RGS6: variants seen among roughly 807,000 people sequenced by gnomAD.
The protein encoded by RGS6 is regulator of G-protein signaling 6.
In RGS6, 30 loss-of-function variants were observed where a neutral mutation model predicts 78.5. The ratio of observed to expected loss-of-function variants is 0.38; its 90% CI spans 0.29 to 0.52. The LOEUF (loss-of-function observed/expected upper bound fraction) is 0.52, where lower values mean the gene tolerates loss of function less well. Among genes scored for constraint, RGS6 ranks in the 20% least tolerant of loss-of-function variants. The pLI is 0.85. For missense variants in RGS6, 495 were observed against 609.7 expected, an observed-to-expected ratio of 0.81 and a Z score of 1.98; for synonymous variants, 206 against 206.0, an observed-to-expected ratio of 1.00 and a Z score of 0.00.
At chr14:72,349,501 A>G (rs894483908) in intron 2 of RGS6, among the ~76,000 whole-genome samples, 2 of 152,218 alleles carry the variant, frequency 1.3e-5, no homozygotes, top group African/African-American at 2.4e-5. Flanking sequence ...TCAGGTGTAT[A>G]TTAATACCAT....
At chr14:72,095,246 T>C (rs1471884675) in intron 2 of RGS6, among the ~76,000 whole-genome samples, 1 of 152,120 alleles carries the variant, frequency 6.6e-6, no homozygotes, top group African/African-American at 2.4e-5. Flanking sequence ...TGCATTTGGC[T>C]GCAGGTAATA....
intron 2 of RGS6, among the ~76,000 whole-genome samples, chr14:72,073,066 G>A (rs1027042462): frequency 6.6e-6 from 1 of 152,204 alleles, no homozygotes; most frequent in African/African-American, 2.4e-5. Flanking sequence ...ATTCAGATTG[G>A]TGGGGTTCAA....
At chr14:71,876,538 CTCCA>C in the RGS6 span, among the ~76,000 whole-genome samples, 2 of 117,540 alleles carry the variant, frequency 1.7e-5, no homozygotes, top group African/African-American at 7.4e-5. Flanking sequence ...GTAGATCTTC[CTCCA>C]TCCCTTTATT....
chr14:72,426,082 ATATAAT>A (rs999079257), intron 3 of RGS6, among the ~76,000 whole-genome samples: 11 of 152,272 alleles, frequency 7.2e-5, no homozygotes, highest in Admixed American at 3.3e-4. Context: ...TTAGATGATA[ATATAAT>A]TATAATATTT....
intron 2 of RGS6, among the ~76,000 whole-genome samples, chr14:72,204,711 C>G (rs1004928894): frequency 2.6e-5 from 4 of 152,158 alleles, no homozygotes; most frequent in African/African-American, 4.8e-5. Flanking sequence ...TTATTTCATT[C>G]ATGAGGGCTC....
chr14:72,562,327 A>G, intron 17 of RGS6, 90 bp from the exon 18 acceptor site: 1 of 1,344,968 alleles, frequency 7.4e-7, no homozygotes, highest in Non-Finnish European at 1.1e-6. Flanking sequence ...TACATGGCTC[A>G]TGCAACAATT....
intron 2 of RGS6, among the ~76,000 whole-genome samples, chr14:72,056,455 G>A (rs1282124311): frequency 1.3e-5 from 2 of 152,144 alleles, no homozygotes; most frequent in Non-Finnish European, 2.9e-5. Context: ...GTCTTCAGGT[G>A]TGTTACACTC....
rs565152678 is a variant in RGS6 at position 72,101,007 on chromosome 14, A to G, written c.84+136132A>G. On this transcript the variant is annotated intron_variant, in intron 2 of 17. Transcript: ENST00000553525. ...AACCCTGTCTCTACCAAAAATACAA[A>G]CATTAGCTGGGCTTAGTGGCATGCA... Among the ~76,000 whole-genome samples the G allele has an allele frequency of 6.6e-5, 10 of 152,218 alleles. No individual in the cohort carries two copies. In the East Asian group the frequency reaches 1.9e-3, roughly 29 times the overall value.
intron 2 of RGS6, among the ~76,000 whole-genome samples, chr14:72,236,424 C>A (rs2051051571): frequency 6.6e-6 from 1 of 152,162 alleles, no homozygotes; most frequent in Non-Finnish European, 1.5e-5. Context: ...GTGCGCACAG[C>A]AACATAAGCA....
chr14:72,226,844 C>A (rs1367235587), intron 2 of RGS6, among the ~76,000 whole-genome samples: 1 of 152,166 alleles, frequency 6.6e-6, no homozygotes, highest in African/African-American at 2.4e-5. Context: ...TTCCACCATG[C>A]CTGGCTAATT....
intron 2 of RGS6, among the ~76,000 whole-genome samples, chr14:72,329,741 A>C (rs866489610): frequency 1.3e-5 from 2 of 152,190 alleles, no homozygotes; most frequent in Admixed American, 6.5e-5. Flanking sequence ...CAGCTGTGTG[A>C]CAGATCTTGG....
chr14:72,186,836 A>T (rs2097254918), intron 2 of RGS6, among the ~76,000 whole-genome samples: 1 of 152,152 alleles, frequency 6.6e-6, no homozygotes, highest in Admixed American at 6.5e-5. Flanking sequence ...CAGTGGGAGC[A>T]GTTGTAGGAT....
chr14:72,230,754 C>A (rs1453097380), intron 2 of RGS6, among the ~76,000 whole-genome samples: 1 of 152,118 alleles, frequency 6.6e-6, no homozygotes. Flanking sequence ...GCTTTTAAGG[C>A]CTTCCAGGTG....
intron 2 of RGS6, among the ~76,000 whole-genome samples, chr14:72,029,185 T>A (rs560350129): frequency 6.6e-6 from 1 of 152,342 alleles, no homozygotes; most frequent in African/African-American, 2.4e-5. Context: ...GACAGCTACC[T>A]GGGTTCTATG....
chr14:71,918,491 G>C, the RGS6 span, among the ~76,000 whole-genome samples: 3 of 152,156 alleles, frequency 2.0e-5, no homozygotes, highest in Non-Finnish European at 2.9e-5. Context: ...CCCTCAAAGA[G>C]AATGAAAATG....
chr14:72,266,144 G>T (rs994108284), intron 2 of RGS6, among the ~76,000 whole-genome samples: 2 of 152,176 alleles, frequency 1.3e-5, no homozygotes, highest in African/African-American at 4.8e-5. Context: ...ATTGAAGGGG[G>T]TCGCTGGATA....
At chr14:72,497,218 C>G (rs1157876526) in intron 13 of RGS6, among the ~76,000 whole-genome samples, 7 of 152,114 alleles carry the variant, frequency 4.6e-5, no homozygotes, top group African/African-American at 1.7e-4. Flanking sequence ...TTAAAAGTGC[C>G]CATTTCCCCA....
chr14:71,990,828 A>G (rs1595768479), intron 2 of RGS6: 2 of 456,012 alleles, frequency 4.4e-6, no homozygotes, highest in South Asian at 3.1e-5. Flanking sequence ...ACTTACCACA[A>G]ACATAACAGG....
upstream of RGS6, among the ~76,000 whole-genome samples, chr14:71,928,746 A>T (rs2087756882): frequency 6.6e-6 from 1 of 152,222 alleles, no homozygotes; most frequent in Non-Finnish European, 1.5e-5. Flanking sequence ...CTTTAGATGA[A>T]TTTCAGGATC....
Sources: allele counts gnomAD v4.1 joint callset (sites outside exome capture counted in the v4.1 genomes callset), GRCh38; gene constraint gnomAD v4.1.1; transcripts MANE v1.5; gene names NCBI Gene and HGNC (gene_info 2026-07-23, HGNC 2026-07-21).